The following TMEM272 variants were observed in gnomAD, a reference collection of about 807,000 sequenced individuals.
TMEM272 encodes long intergenic non-protein coding RNA 282.
A neutral mutation model predicts 3.7 loss-of-function variants in TMEM272; 8 were observed. The observed-to-expected ratio is 2.17, with a 90% CI of 1.27 to 3.91. TMEM272 has a LOEUF of 3.91. Among genes scored for constraint, TMEM272 ranks in the 30% most tolerant of loss-of-function variants. The pLI is 0.00. For synonymous variants in TMEM272, 63 were observed against 39.8 expected, an observed-to-expected ratio of 1.58 and a Z score of -2.20; for missense variants, 166 against 91.5, an observed-to-expected ratio of 1.81 and a Z score of -3.32.
At chr13:51,909,548 T>C in the TMEM272 span, 47 of 1,080,702 alleles carry the variant, frequency 4.3e-5, 1 homozygote, top group Admixed American at 7.1e-4. Flanking sequence ...GCTTGTTCCG[T>C]CTGAAGATTT....
At chr13:51,912,397 A>G in the TMEM272 span, among the ~76,000 whole-genome samples, 1 of 152,098 alleles carries the variant, frequency 6.6e-6, no homozygotes, top group South Asian at 2.1e-4. Flanking sequence ...AGGAGCACCG[A>G]GCCATGCCTG....
the TMEM272 span, among the ~76,000 whole-genome samples, chr13:51,857,959 T>C: frequency 6.6e-6 from 1 of 152,158 alleles, no homozygotes; most frequent in Non-Finnish European, 1.5e-5. Flanking sequence ...CTGACGTGCC[T>C]ATACTAAGAT....
At chr13:51,820,282 T>C (rs1425419710) in intron 4 of TMEM272, among the ~76,000 whole-genome samples, 2 of 152,190 alleles carry the variant, frequency 1.3e-5, no homozygotes, top group Non-Finnish European at 2.9e-5. Flanking sequence ...AGCTATCTGA[T>C]GCATTTCACG....
At chr13:51,837,189 T>C (rs962788452) in intron 2 of TMEM272, among the ~76,000 whole-genome samples, 1 of 152,220 alleles carries the variant, frequency 6.6e-6, no homozygotes, top group East Asian at 1.9e-4. Context: ...CCAGGAAACA[T>C]CCCTTTTTCT....
At chr13:51,908,611 T>G in the TMEM272 span, 13 of 1,499,864 alleles carry the variant, frequency 8.7e-6, no homozygotes, top group African/African-American at 1.8e-4. Context: ...TCAGCCACAT[T>G]TAAATTACCA....
At chr13:51,885,333 C>T in the TMEM272 span, among the ~76,000 whole-genome samples, 1 of 152,188 alleles carries the variant, frequency 6.6e-6, no homozygotes, top group South Asian at 2.1e-4. Context: ...ACTCACAGTT[C>T]CGCATGGCTG....
chr13:51,931,521 C>G, the TMEM272 span, among the ~76,000 whole-genome samples: 20 of 151,952 alleles, frequency 1.3e-4, no homozygotes, highest in Admixed American at 5.2e-4. Context: ...GAAAGCATTA[C>G]GAGAAATACC....
At chr13:51,835,484 A>C (rs1447939067) in intron 2 of TMEM272, among the ~76,000 whole-genome samples, 1 of 152,196 alleles carries the variant, frequency 6.6e-6, no homozygotes, top group East Asian at 1.9e-4. Flanking sequence ...TCGGTCTCCC[A>C]AAGTGCTGGG....
At chr13:51,837,596 C>T (rs1246248430) in intron 2 of TMEM272, among the ~76,000 whole-genome samples, 5 of 152,214 alleles carry the variant, frequency 3.3e-5, no homozygotes, top group Non-Finnish European at 7.3e-5. Context: ...GGAGGTGGCT[C>T]TTCACTCATT....
At chr13:51,847,627 G>A (rs1366159153), upstream of TMEM272, among the ~76,000 whole-genome samples, 1 of 152,174 alleles carries the variant, frequency 6.6e-6, no homozygotes, top group African/African-American at 2.4e-5. Context: ...GACGGTACTT[G>A]AATCTTCTCT....
At chr13:51,933,748 C>T in the TMEM272 span, 1 of 152,244 alleles carries the variant, frequency 6.6e-6, no homozygotes, top group African/African-American at 2.4e-5. Flanking sequence ...CTACTGAACC[C>T]CACGAGGTGA....
At position 51,813,745 on chromosome 13, in the gene TMEM272, G is replaced by A. The variant is rs1955989772; in HGVS notation, c.*3006C>T. On this transcript the variant is annotated 3_prime_UTR_variant, in exon 5 of 5. Transcript: ENST00000629372. Reference sequence around the variant, plus strand: ...CCAGTGAAACAGTCCCACTTTTACTGCTTTCAACTGTCATTTATATAGATT... The same window carrying A: ...CCAGTGAAACAGTCCCACTTTTACTACTTTCAACTGTCATTTATATAGATT... 2 of 155,112 alleles carry A rather than the reference G, an allele frequency of 1.3e-5. No individual in the cohort carries two copies. The highest frequency in any genetic ancestry group is 4.1e-4 in the South Asian group (2 of 4,876). The allele number at this position is 155,112 out of a possible 1,614,324, so 9.6% of individuals were successfully genotyped here.
the TMEM272 span, among the ~76,000 whole-genome samples, chr13:51,895,085 A>G: frequency 6.6e-6 from 1 of 152,092 alleles, no homozygotes; most frequent in East Asian, 1.9e-4. Context: ...AGTGATGGGG[A>G]GCAGCTGTAT....
the TMEM272 span, among the ~76,000 whole-genome samples, chr13:51,926,087 G>A: frequency 3.3e-5 from 5 of 151,856 alleles, no homozygotes; most frequent in Admixed American, 2.0e-4. Context: ...CTATGAGTGT[G>A]TGGTATGTGG....
the TMEM272 span, among the ~76,000 whole-genome samples, chr13:51,926,069 G>C: frequency 6.6e-6 from 1 of 151,672 alleles, no homozygotes; most frequent in Non-Finnish European, 1.5e-5. Flanking sequence ...TATATGTGTG[G>C]TGTGTGTCTA....
chr13:51,922,117 CG>C, the TMEM272 span, among the ~76,000 whole-genome samples: 2 of 152,186 alleles, frequency 1.3e-5, no homozygotes, highest in South Asian at 4.1e-4. Context: ...GTGGAGATGG[CG>C]TATCAGTTCA....
At chr13:51,921,978 C>T in the TMEM272 span, among the ~76,000 whole-genome samples, 1 of 152,158 alleles carries the variant, frequency 6.6e-6, no homozygotes, top group African/African-American at 2.4e-5. Context: ...GCAATCTCTC[C>T]ACTCATTTAT....
At chr13:51,920,219 T>G in the TMEM272 span, among the ~76,000 whole-genome samples, 1 of 151,740 alleles carries the variant, frequency 6.6e-6, no homozygotes, top group African/African-American at 2.4e-5. Flanking sequence ...CTGAAACGGG[T>G]CTGATAACAG....
At chr13:51,888,536 G>A in the TMEM272 span, among the ~76,000 whole-genome samples, 1 of 151,442 alleles carries the variant, frequency 6.6e-6, no homozygotes, top group Non-Finnish European at 1.5e-5. Flanking sequence ...GTCACCCTAT[G>A]CACACTTCAT....
Sources: allele counts gnomAD v4.1 joint callset (sites outside exome capture counted in the v4.1 genomes callset), GRCh38; gene constraint gnomAD v4.1.1; transcripts MANE v1.5; gene names NCBI Gene and HGNC (gene_info 2026-07-23, HGNC 2026-07-21).